TAFA4: variants seen among roughly 807,000 people sequenced by gnomAD.
The protein encoded by TAFA4 is TAFA chemokine like family member 4.
Under a neutral mutation model 21.1 loss-of-function variants are expected in TAFA4, and 20 were observed. The observed-to-expected ratio is 0.95, with a 90% CI of 0.67 to 1.38. The LOEUF is 1.38. TAFA4 is among the 40% of genes most tolerant of loss of function. The pLI, the probability that TAFA4 is intolerant of heterozygous loss-of-function variation, is 0.00. For synonymous variants in TAFA4, 71 were observed against 67.4 expected (o/e 1.05, Z -0.26); for missense variants, 211 against 180.9 (o/e 1.17, Z -0.95).
chr3:68,814,695 T>C (rs1048336034), intron 3 of TAFA4, among the ~76,000 whole-genome samples: 2 of 152,186 alleles, frequency 1.3e-5, no homozygotes, highest in African/African-American at 2.4e-5. Context: ...CATTCCATGC[T>C]CATGGGTAGG....
At chr3:68,823,850 T>C (rs983468470) in intron 3 of TAFA4, among the ~76,000 whole-genome samples, 6 of 152,230 alleles carry the variant, frequency 3.9e-5, no homozygotes, top group Non-Finnish European at 7.3e-5. Flanking sequence ...GTGGTACATA[T>C]ACAAGATCTT....
chr3:68,862,064 G>C (rs1242865232), intron 3 of TAFA4, among the ~76,000 whole-genome samples: 2 of 151,664 alleles, frequency 1.3e-5, no homozygotes, highest in Non-Finnish European at 2.9e-5. Context: ...TGGTGAACTT[G>C]AGGTTATGAC....
At chr3:68,741,807 T>TA (rs1702359836) in intron 4 of TAFA4, among the ~76,000 whole-genome samples, 1 of 150,904 alleles carries the variant, frequency 6.6e-6, no homozygotes, top group African/African-American at 2.5e-5. Context: ...AAAATAAAAA[T>TA]AAAAATAAAA....
chr3:68,872,687 G>A (rs1036901590), intron 3 of TAFA4, among the ~76,000 whole-genome samples: 1 of 152,048 alleles, frequency 6.6e-6, no homozygotes, highest in East Asian at 1.9e-4. Flanking sequence ...CAACTATTAT[G>A]TAGCAATAAT....
chr3:68,851,366 T>G (rs1704945336), intron 3 of TAFA4, among the ~76,000 whole-genome samples: 1 of 151,918 alleles, frequency 6.6e-6, no homozygotes, highest in Non-Finnish European at 1.5e-5. Context: ...AGGGAGAACA[T>G]TAGGAAAAAT....
rs527744262 is a variant in TAFA4 at position 68,897,818 on chromosome 3, C to T, written c.-122-12508G>A. On this transcript the variant is annotated intron_variant, in intron 1 of 5. Coordinates refer to ENST00000295569, the MANE Select transcript of TAFA4 (RefSeq NM_182522.5). ...TTGACTCCCCTTTTCTTTACCCAAC[C>T]TACTTGCCAGAACAAAACTCAACAC... Among the ~76,000 whole-genome samples, 3 of 152,224 alleles carry T rather than the reference C, an allele frequency of 2.0e-5. No homozygotes were observed. In the South Asian group the frequency reaches 6.2e-4, roughly 32 times the overall value.
intron 1 of TAFA4, among the ~76,000 whole-genome samples, chr3:68,919,495 C>T (rs565342027): frequency 1.3e-5 from 2 of 152,262 alleles, no homozygotes; most frequent in South Asian, 2.1e-4. Context: ...ATGGCCTTAC[C>T]TTTTATGATG....
intron 3 of TAFA4, among the ~76,000 whole-genome samples, chr3:68,783,739 A>AAGAAAGAAAGAAAGAAAGAAAGAC (rs1406144110): frequency 6.7e-6 from 1 of 149,082 alleles, no homozygotes; most frequent in African/African-American, 2.5e-5. Flanking sequence ...GAAAGAAAGA[A>AAGAAAGAAAGAAAGAAAGAAAGAC]AGAAAGTAAG....
At chr3:68,855,070 A>C (rs1705042148) in intron 3 of TAFA4, among the ~76,000 whole-genome samples, 1 of 152,194 alleles carries the variant, frequency 6.6e-6, no homozygotes, top group Non-Finnish European at 1.5e-5. Flanking sequence ...TAAGTAACAA[A>C]TGACTGTATG....
intron 3 of TAFA4, among the ~76,000 whole-genome samples, chr3:68,826,906 T>C (rs1300599409): frequency 1.3e-5 from 2 of 152,122 alleles, no homozygotes; most frequent in Admixed American, 6.5e-5. Flanking sequence ...ATTATTATAC[T>C]TTAAGTACTA....
At chr3:68,756,048 C>G (rs1039526472) in intron 3 of TAFA4, among the ~76,000 whole-genome samples, 1 of 152,200 alleles carries the variant, frequency 6.6e-6, no homozygotes, top group African/African-American at 2.4e-5. Flanking sequence ...AACAGCATAA[C>G]TACACTCTCA....
At chr3:68,863,302 G>T (rs1411806170) in intron 3 of TAFA4, among the ~76,000 whole-genome samples, 6 of 152,038 alleles carry the variant, frequency 3.9e-5, no homozygotes, top group Non-Finnish European at 7.4e-5. Flanking sequence ...TAAGAAAGTA[G>T]TTGCATTCTT....
intron 1 of TAFA4, among the ~76,000 whole-genome samples, chr3:68,908,344 G>C (rs1421344810): frequency 1.3e-5 from 2 of 152,094 alleles, no homozygotes; most frequent in Middle Eastern, 3.2e-3. Context: ...ACAGCTCTAG[G>C]GCTTTGTTAA....
intron 3 of TAFA4, among the ~76,000 whole-genome samples, chr3:68,861,952 G>C (rs1218755914): frequency 2.0e-5 from 3 of 152,004 alleles, no homozygotes; most frequent in Non-Finnish European, 4.4e-5. Context: ...TCACGTGCAA[G>C]CTCCAGGTCC....
intron 4 of TAFA4, among the ~76,000 whole-genome samples, chr3:68,749,392 T>C (rs1381032324): frequency 2.6e-5 from 4 of 152,214 alleles, no homozygotes; most frequent in African/African-American, 9.6e-5. Flanking sequence ...TAAATTCAGG[T>C]AAATTTTATA....
intron 3 of TAFA4, among the ~76,000 whole-genome samples, chr3:68,758,509 G>T (rs1364468534): frequency 2.0e-5 from 3 of 152,184 alleles, no homozygotes; most frequent in South Asian, 2.1e-4. Flanking sequence ...ACGTGACTTT[G>T]CTCCTCCTTC....
chr3:68,908,785 G>C (rs1375957986), intron 1 of TAFA4, among the ~76,000 whole-genome samples: 1 of 152,168 alleles, frequency 6.6e-6, no homozygotes, highest in Non-Finnish European at 1.5e-5. Flanking sequence ...CAAAAGTACA[G>C]AAGGGCTAGT....
chr3:68,865,619 T>C (rs1025227484), intron 3 of TAFA4, among the ~76,000 whole-genome samples: 4 of 152,138 alleles, frequency 2.6e-5, no homozygotes, highest in Admixed American at 2.0e-4. Flanking sequence ...TTTTTCTTTA[T>C]AAATTACCCT....
intron 5 of TAFA4, 67 bp from the exon 6 acceptor site, chr3:68,733,220 C>CGAGACCA: frequency 6.3e-7 from 1 of 1,578,368 alleles, no homozygotes. Context: ...TTCCTGCCCC[C>CGAGACCA]GAGACCAATA....
Sources: gnomAD v4.1 joint callset for allele counts (sites outside exome capture counted in the v4.1 genomes callset) on GRCh38, gnomAD v4.1.1 for gene constraint, MANE v1.5 for transcripts, NCBI Gene and HGNC (gene_info 2026-07-23, HGNC 2026-07-21) for gene names.